Variants in CSGALNACT1 observed in about 807,000 individuals in gnomAD.
The protein encoded by CSGALNACT1 is chondroitin sulfate N-acetylgalactosaminyltransferase 1.
In CSGALNACT1, 52 loss-of-function variants were observed where a neutral mutation model predicts 51.0. The ratio of observed to expected loss-of-function variants is 1.02; its 90% CI spans 0.82 to 1.29. The LOEUF (loss-of-function observed/expected upper bound fraction) is 1.29. CSGALNACT1 is among the 50% of genes most tolerant of loss of function. The pLI, the probability that CSGALNACT1 is intolerant of heterozygous loss-of-function variation, is 0.00. For missense variants in CSGALNACT1, 935 were observed against 679.2 expected, an observed-to-expected ratio of 1.38 and a Z score of -4.19; for synonymous variants, 341 against 254.4, an observed-to-expected ratio of 1.34 and a Z score of -3.24.
chr8:19,438,020 C>T (rs927891224), intron 6 of CSGALNACT1, among the ~76,000 whole-genome samples: 2 of 152,142 alleles, frequency 1.3e-5, no homozygotes, highest in Non-Finnish European at 2.9e-5. Flanking sequence ...CTAAACTGTC[C>T]TTCTACTTAT....
At chr8:19,519,854 G>A (rs768704483) in intron 3 of CSGALNACT1, among the ~76,000 whole-genome samples, 2 of 152,170 alleles carry the variant, frequency 1.3e-5, no homozygotes, top group Admixed American at 1.3e-4. Flanking sequence ...GGAGAAGCCT[G>A]GTCTGCCACA....
At chr8:19,682,514 G>GC (rs1263460179) in exon 1 of CSGALNACT1, 1 of 394,986 alleles carries the variant, frequency 2.5e-6, no homozygotes, top group African/African-American at 2.1e-5. Flanking sequence ...TGTCACCCCT[G>GC]CCCGGGGACG....
intron 3 of CSGALNACT1, among the ~76,000 whole-genome samples, chr8:19,554,208 G>T (rs1402948426): frequency 6.6e-6 from 1 of 152,174 alleles, no homozygotes; most frequent in Non-Finnish European, 1.5e-5. Context: ...CAAGTTATCT[G>T]CAAGGGAAGG....
At chr8:19,747,803 TGGA>T (rs1013389908) in intron 1 of CSGALNACT1, among the ~76,000 whole-genome samples, 2 of 149,430 alleles carry the variant, frequency 1.3e-5, no homozygotes, top group South Asian at 2.2e-4. Flanking sequence ...CACCTCCAAC[TGGA>T]GGAGAAGTAA....
At chr8:19,571,271 A>G (rs968615472) in intron 3 of CSGALNACT1, among the ~76,000 whole-genome samples, 2 of 152,128 alleles carry the variant, frequency 1.3e-5, no homozygotes, top group African/African-American at 4.8e-5. Context: ...GAAACTCCGT[A>G]TCCGATATAA....
upstream of CSGALNACT1, among the ~76,000 whole-genome samples, chr8:19,685,823 G>C (rs1026163127): frequency 6.6e-6 from 1 of 152,172 alleles, no homozygotes; most frequent in Non-Finnish European, 1.5e-5. Context: ...GAAGGAGTGG[G>C]AAGAGGTAGT....
intron 1 of CSGALNACT1, among the ~76,000 whole-genome samples, chr8:19,742,066 T>C: frequency 6.6e-6 from 1 of 152,192 alleles, no homozygotes; most frequent in East Asian, 1.9e-4. Flanking sequence ...CACAGGGTTT[T>C]CTCCTAAAGC....
intron 3 of CSGALNACT1, among the ~76,000 whole-genome samples, chr8:19,563,367 C>T (rs943331868): frequency 3.3e-5 from 5 of 152,132 alleles, no homozygotes; most frequent in Non-Finnish European, 7.4e-5. Flanking sequence ...TGCAGCAAAC[C>T]ACTATGACAC....
At chr8:19,608,767 T>C (rs1050075526) in intron 1 of CSGALNACT1, among the ~76,000 whole-genome samples, 2 of 152,238 alleles carry the variant, frequency 1.3e-5, no homozygotes, top group Admixed American at 6.5e-5. Flanking sequence ...AGGCTTGATC[T>C]ATAGTAGTCA....
At chr8:19,604,496 C>T (rs2051071057), upstream of CSGALNACT1, among the ~76,000 whole-genome samples, 3 of 152,132 alleles carry the variant, frequency 2.0e-5, 1 homozygote, top group South Asian at 6.2e-4. Context: ...GTGGTGAAGT[C>T]AGGATCTTTC....
At chr8:19,577,730 G>A (rs937567543) in intron 3 of CSGALNACT1, among the ~76,000 whole-genome samples, 31 of 152,058 alleles carry the variant, frequency 2.0e-4, no homozygotes, top group Non-Finnish European at 4.0e-4. Flanking sequence ...TTTGGGTCCA[G>A]GACTTGCTGC....
intron 1 of CSGALNACT1, among the ~76,000 whole-genome samples, chr8:19,690,400 G>A (rs1408473383): frequency 6.6e-6 from 1 of 151,794 alleles, no homozygotes; most frequent in Non-Finnish European, 1.5e-5. Context: ...TCTACTTTGG[G>A]CCTTAACATT....
intron 1 of CSGALNACT1, among the ~76,000 whole-genome samples, chr8:19,677,974 G>C (rs1025945458): frequency 1.3e-5 from 2 of 152,078 alleles, no homozygotes; most frequent in Non-Finnish European, 2.9e-5. Context: ...AAATTAGCTG[G>C]ATGTGGTGGT....
At chr8:19,613,628 G>A (rs1482524602) in intron 1 of CSGALNACT1, among the ~76,000 whole-genome samples, 1 of 152,156 alleles carries the variant, frequency 6.6e-6, no homozygotes, top group Non-Finnish European at 1.5e-5. Context: ...AATTTTGTTT[G>A]TTCCTACTGG....
chr8:19,643,587 A>G lies in CSGALNACT1; in HGVS notation c.-544+38886T>C, dbSNP rs190748094. Among the ~76,000 whole-genome samples, 741 of 151,996 alleles carry G rather than the reference A, an allele frequency of 4.9e-3. 3 individuals are homozygous for G. Among genetic ancestry groups the G allele is most frequent in the Non-Finnish European group, 8.6e-3 (583 of 67,982 alleles). ...TGGGACACAGAGGTTGCAGTAAGCCAAGACTGCACCACTGCACTCCAGCCT... is the reference window on the plus strand; with the variant it reads ...TGGGACACAGAGGTTGCAGTAAGCCGAGACTGCACCACTGCACTCCAGCCT... On this transcript the variant is annotated intron_variant, in intron 1 of 9. Coordinates refer to the CSGALNACT1 transcript ENST00000332246.
intron 6 of CSGALNACT1, among the ~76,000 whole-genome samples, chr8:19,426,114 A>G (rs571604406): frequency 1.3e-5 from 2 of 152,344 alleles, no homozygotes; most frequent in South Asian, 4.1e-4. Flanking sequence ...ACTGTGCAGT[A>G]AACGGCACAC....
intron 1 of CSGALNACT1, among the ~76,000 whole-genome samples, chr8:19,744,352 C>T (rs2064510514): frequency 6.6e-6 from 1 of 152,222 alleles, no homozygotes; most frequent in African/African-American, 2.4e-5. Flanking sequence ...AATAAAACAA[C>T]TTGGTTCAAA....
intron 6 of CSGALNACT1, among the ~76,000 whole-genome samples, chr8:19,427,794 A>AG: frequency 6.6e-6 from 1 of 152,204 alleles, no homozygotes; most frequent in South Asian, 2.1e-4. Context: ...CTTCAAAAAA[A>AG]AAAAGAAAGA....
At chr8:19,734,023 C>A (rs573395780) in intron 1 of CSGALNACT1, among the ~76,000 whole-genome samples, 1 of 152,146 alleles carries the variant, frequency 6.6e-6, no homozygotes, top group Non-Finnish European at 1.5e-5. Context: ...TGTTCACCCC[C>A]CAACAATGAA....
Sources: allele counts gnomAD v4.1 joint callset (sites outside exome capture counted in the v4.1 genomes callset), GRCh38; gene constraint gnomAD v4.1.1; transcripts MANE v1.5; gene names NCBI Gene and HGNC (gene_info 2026-07-23, HGNC 2026-07-21).